Variants in PCDH9 observed in about 807,000 individuals in gnomAD.
The protein encoded by PCDH9 is protocadherin-9.
Under a neutral mutation model 70.6 loss-of-function variants are expected in PCDH9, and 24 were observed. That is an observed-to-expected ratio of 0.34 (90% CI 0.25 to 0.48). PCDH9 has a LOEUF of 0.48. Ranked by LOEUF, PCDH9 falls within the 20% of genes least tolerant of loss-of-function variation. PCDH9 has a pLI of 0.99. For synonymous variants in PCDH9, 562 were observed against 558.5 expected (o/e 1.01, Z -0.09); for missense variants, 1,281 against 1,503.6 (o/e 0.85, Z 2.45).
intron 4 of PCDH9, among the ~76,000 whole-genome samples, chr13:66,571,935 G>A (rs2076738824): frequency 6.6e-6 from 1 of 151,804 alleles, no homozygotes; most frequent in Non-Finnish European, 1.5e-5. Flanking sequence ...TGTTGTAGTT[G>A]TTCCAGAAAA....
chr13:67,214,424 G>A (rs1477747641), intron 2 of PCDH9: 1 of 152,130 alleles, frequency 6.6e-6, no homozygotes, highest in African/African-American at 2.4e-5. Flanking sequence ...TACTGACTGT[G>A]AAACAGATTC....
chr13:67,116,092 T>C (rs1404081297), intron 2 of PCDH9, among the ~76,000 whole-genome samples: 3 of 152,168 alleles, frequency 2.0e-5, no homozygotes, highest in Non-Finnish European at 4.4e-5. Context: ...TTAAAATCAA[T>C]ATGTCTTTGA....
intron 3 of PCDH9, among the ~76,000 whole-genome samples, chr13:66,780,439 A>T (rs1298945965): frequency 6.6e-6 from 1 of 152,068 alleles, no homozygotes; most frequent in Admixed American, 6.6e-5. Context: ...TGACTGCATG[A>T]CTCTGCTGTT....
Position 66,368,276 on chromosome 13 carries a change from C to T in PCDH9, c.3341-63248G>A, listed in dbSNP as rs150170205. On this transcript the variant is annotated intron_variant, in intron 4 of 4. Transcript: ENST00000377865. ...TTTGAAAGTACACCAGTTTGTGTTCCTTTTACCAAGAGATACAGCCAAAAT... is the reference window on the plus strand; with the variant it reads ...TTTGAAAGTACACCAGTTTGTGTTCTTTTTACCAAGAGATACAGCCAAAAT... Among the ~76,000 whole-genome samples, 29 of 151,614 alleles carry T rather than the reference C, an allele frequency of 1.9e-4. No homozygotes were observed. The East Asian group carries it at 5.4e-3, about 28-fold the overall frequency.
intron 4 of PCDH9, among the ~76,000 whole-genome samples, chr13:66,532,134 G>A (rs1566396543): frequency 6.6e-6 from 1 of 151,648 alleles, no homozygotes; most frequent in Non-Finnish European, 1.5e-5. Flanking sequence ...CTAATTACAG[G>A]CATGTACCAC....
Position 66,943,234 on chromosome 13 carries a change from T to C in PCDH9, c.3037-39629A>G, listed in dbSNP as rs1305324396. Among the ~76,000 whole-genome samples, 3 of 152,136 alleles carry C rather than the reference T, an allele frequency of 2.0e-5. No individual in the cohort carries two copies. In the South Asian group the frequency reaches 6.2e-4, roughly 32 times the overall value. ...ACAATGGTTTGCAATATAAAATGTGTTTTCCCTCCTTTTCTAATAATTCAC... is the reference window on the plus strand; with the variant it reads ...ACAATGGTTTGCAATATAAAATGTGCTTTCCCTCCTTTTCTAATAATTCAC... On this transcript the variant is annotated intron_variant, in intron 2 of 4. Coordinates refer to ENST00000377865, the MANE Select transcript of PCDH9 (RefSeq NM_203487.3).
intron 3 of PCDH9, among the ~76,000 whole-genome samples, chr13:66,850,811 C>T (rs1195394256): frequency 1.3e-5 from 2 of 152,166 alleles, no homozygotes; most frequent in Non-Finnish European, 2.9e-5. Flanking sequence ...AGGAATCAAT[C>T]TTTGTAGGAA....
chr13:66,504,939 C>T (rs1959196293), intron 4 of PCDH9, among the ~76,000 whole-genome samples: 1 of 152,164 alleles, frequency 6.6e-6, no homozygotes, highest in Admixed American at 6.5e-5. Flanking sequence ...AACTCCTTAC[C>T]AGAGCAAGTG....
intron 2 of PCDH9, among the ~76,000 whole-genome samples, chr13:67,024,004 GAGGAGAAAT>G (rs1434798841): frequency 6.6e-6 from 1 of 151,982 alleles, no homozygotes; most frequent in Non-Finnish European, 1.5e-5. Context: ...GGAAGATGAA[GAGGAGAAAT>G]AGTAACAACA....
In PCDH9 at chr13:66,422,788, C is replaced by T. The variant is rs548912073; in HGVS notation, c.3341-117760G>A. On this transcript the variant is annotated intron_variant, in intron 4 of 4. Coordinates refer to ENST00000377865, the MANE Select transcript of PCDH9 (RefSeq NM_203487.3). Reference sequence around the variant, plus strand: ...AATAAATTCAAAAGGTAGCAGAAGACAAGAAATAACTAAGATCAGAGCAGA... The same window carrying T: ...AATAAATTCAAAAGGTAGCAGAAGATAAGAAATAACTAAGATCAGAGCAGA... Among the ~76,000 whole-genome samples the T allele has an allele frequency of 8.6e-5, 13 of 151,932 alleles. No individual in the cohort carries two copies. In the East Asian group the frequency reaches 2.5e-3, roughly 29 times the overall value.
intron 4 of PCDH9, among the ~76,000 whole-genome samples, chr13:66,519,933 C>A (rs577668531): frequency 6.6e-6 from 1 of 152,118 alleles, no homozygotes; most frequent in Non-Finnish European, 1.5e-5. Flanking sequence ...AAAAGTATCA[C>A]ACTAAATAAA....
intron 3 of PCDH9, among the ~76,000 whole-genome samples, chr13:66,801,570 A>G (rs1227691688): frequency 3.3e-5 from 5 of 152,088 alleles, no homozygotes; most frequent in Admixed American, 3.3e-4. Context: ...CCAGAGTGTC[A>G]GAATTTATCA....
intron 3 of PCDH9, among the ~76,000 whole-genome samples, chr13:66,637,442 T>A (rs9540843): frequency 3.9e-5 from 6 of 152,138 alleles, no homozygotes; most frequent in Admixed American, 6.5e-5. Flanking sequence ...TATAAAGCAC[T>A]TTTCTAGTGG....
At chr13:66,805,100 A>G (rs192115950) in intron 3 of PCDH9, among the ~76,000 whole-genome samples, 1 of 152,242 alleles carries the variant, frequency 6.6e-6, no homozygotes, top group Non-Finnish European at 1.5e-5. Flanking sequence ...TTCATCCATT[A>G]TTTACTTATG....
chr13:66,955,261 G>A (rs959124955), intron 2 of PCDH9, among the ~76,000 whole-genome samples: 47 of 152,244 alleles, frequency 3.1e-4, no homozygotes, highest in Non-Finnish European at 5.7e-4. Flanking sequence ...CTCTATGTTA[G>A]GGTTTTCAGT....
At chr13:66,803,806 A>G (rs1353415392) in intron 3 of PCDH9, among the ~76,000 whole-genome samples, 1 of 152,204 alleles carries the variant, frequency 6.6e-6, no homozygotes, top group Non-Finnish European at 1.5e-5. Context: ...TTAGTAAACT[A>G]TTTTAAACAG....
chr13:67,145,514 AG>A (rs929332887), intron 2 of PCDH9, among the ~76,000 whole-genome samples: 1 of 152,030 alleles, frequency 6.6e-6, no homozygotes, highest in Non-Finnish European at 1.5e-5. Flanking sequence ...CATGCTTAAT[AG>A]GAAAAAAATC....
chr13:66,344,161 A>G (rs1330343624), intron 4 of PCDH9, among the ~76,000 whole-genome samples: 1 of 152,068 alleles, frequency 6.6e-6, no homozygotes, highest in East Asian at 1.9e-4. Flanking sequence ...TTTGTTTTTG[A>G]GGTGGAGTTT....
At chr13:67,124,736 T>C (rs2086942857) in intron 2 of PCDH9, among the ~76,000 whole-genome samples, 1 of 152,190 alleles carries the variant, frequency 6.6e-6, no homozygotes, top group Non-Finnish European at 1.5e-5. Flanking sequence ...CAGTTCTCAC[T>C]TGTCTTGACT....
Sources: gnomAD v4.1 joint callset for allele counts (sites outside exome capture counted in the v4.1 genomes callset) on GRCh38, gnomAD v4.1.1 for gene constraint, MANE v1.5 for transcripts, NCBI Gene and HGNC (gene_info 2026-07-23, HGNC 2026-07-21) for gene names.